Variants in DNAJC13 observed in about 807,000 individuals in gnomAD.
The protein encoded by DNAJC13 is DnaJ heat shock protein family (Hsp40) member C13.
In DNAJC13, 75 loss-of-function variants were observed where a neutral mutation model predicts 290.5. The observed-to-expected ratio is 0.26, with a 90% CI of 0.21 to 0.31. DNAJC13 has a LOEUF of 0.31. DNAJC13 is among the 10% of genes least tolerant of loss of function. The pLI, the probability that DNAJC13 is intolerant of heterozygous loss-of-function variation, is 1.00. For missense variants in DNAJC13, 2,260 were observed against 2,674.5 expected (o/e 0.85, Z 3.42); for synonymous variants, 862 against 892.0 (o/e 0.97, Z 0.60).
At chr3:132,528,964 C>T (rs965666088) in intron 54 of DNAJC13, among the ~76,000 whole-genome samples, 14 of 151,706 alleles carry the variant, frequency 9.2e-5, no homozygotes, top group Admixed American at 2.0e-4. Context: ...TTTTAATTGA[C>T]GTGAAATTTA....
intron 26 of DNAJC13, among the ~76,000 whole-genome samples, chr3:132,481,608 T>G (rs746652184): frequency 6.6e-6 from 1 of 152,144 alleles, no homozygotes. Flanking sequence ...AACATAACCA[T>G]GTTGTGATAA....
chr3:132,482,404 C>T (rs928700071), intron 27 of DNAJC13, 74 bp downstream of exon 27: 11 of 1,170,328 alleles, frequency 9.4e-6, no homozygotes, highest in East Asian at 2.5e-5. Context: ...CTTACAGAGG[C>T]GTGGAATGTT....
At chr3:132,533,732 G>A (rs958003429) in intron 55 of DNAJC13, among the ~76,000 whole-genome samples, 1 of 152,138 alleles carries the variant, frequency 6.6e-6, no homozygotes, top group Admixed American at 6.5e-5. Context: ...CTACAGGAAA[G>A]CCTCTTCTAA....
chr3:132,438,481 C>T (rs550697572), intron 2 of DNAJC13, among the ~76,000 whole-genome samples: 1 of 152,290 alleles, frequency 6.6e-6, no homozygotes, highest in African/African-American at 2.4e-5. Flanking sequence ...AACATGTCTA[C>T]GTACAACAAA....
At position 132,480,376 on chromosome 3, in the gene DNAJC13, T is replaced by G. The variant is rs1474979950; in HGVS notation, c.2780T>G (p.Val927Gly). ...AATGTTTTCCTCTTCCAGAAAAATG[T>G]TAAGGATCTCATGGATTCAAATGGA... ...LNKLILNKKNVKDLMDSNGIR... is the reference protein window; with the variant it reads ...LNKLILNKKNGKDLMDSNGIR... The change falls in exon 26 of 56, where the codon GTT becomes GGT. Residue 927 changes from valine to glycine, a missense_variant. Transcript: ENST00000260818. The G allele has an allele frequency of 1.9e-5, 30 of 1,611,616 alleles. No homozygotes were observed. Among genetic ancestry groups the G allele is most frequent in the Non-Finnish European group, 2.5e-5 (30 of 1,178,306 alleles).
At chr3:132,500,125 A>G (rs1054676842) in intron 38 of DNAJC13, among the ~76,000 whole-genome samples, 3 of 152,188 alleles carry the variant, frequency 2.0e-5, no homozygotes, top group African/African-American at 7.2e-5. Context: ...ACCCAGCTTA[A>G]TGCCATTCTT....
At chr3:132,523,359 C>A (rs111653693) in intron 50 of DNAJC13, among the ~76,000 whole-genome samples, 160 bp downstream of exon 50, 5 of 152,146 alleles carry the variant, frequency 3.3e-5, no homozygotes, top group Non-Finnish European at 7.3e-5. Context: ...GGAATACTTA[C>A]TTTCGAAGTT....
chr3:132,452,074 A>G (rs11926095), intron 6 of DNAJC13, among the ~76,000 whole-genome samples: 15,769 of 152,250 alleles, frequency 0.1, 1,020 homozygotes, highest in South Asian at 0.17. Context: ...GGAATGTTTA[A>G]CATCTTGTTG....
intron 1 of DNAJC13, 92 bp downstream of exon 1, chr3:132,417,852 G>C (rs527442236): frequency 6.5e-6 from 1 of 152,960 alleles, no homozygotes; most frequent in Non-Finnish European, 1.5e-5. Flanking sequence ...CAGGGAAAAC[G>C]GGGTGGTCTT....
chr3:132,430,621 C>T (rs1467980144), intron 1 of DNAJC13, among the ~76,000 whole-genome samples: 1 of 152,148 alleles, frequency 6.6e-6, no homozygotes, highest in African/African-American at 2.4e-5. Context: ...ATACAAACCC[C>T]ATTCTTCAGT....
chr3:132,486,670 T>A (rs926204017), intron 29 of DNAJC13, among the ~76,000 whole-genome samples: 1 of 152,210 alleles, frequency 6.6e-6, no homozygotes, highest in African/African-American at 2.4e-5. Context: ...CTGGGAGACC[T>A]GAATCATGCC....
chr3:132,457,238 G>GC (rs1933636334), intron 12 of DNAJC13, 31 bp from the exon 13 acceptor site: 1 of 1,486,186 alleles, frequency 6.7e-7, no homozygotes, highest in South Asian at 1.2e-5. Flanking sequence ...TTCTGGTATT[G>GC]CTAGTATATG....
intron 6 of DNAJC13, 55 bp downstream of exon 6, chr3:132,450,902 G>A: frequency 1.9e-6 from 2 of 1,069,014 alleles, no homozygotes; most frequent in Admixed American, 2.6e-5. Flanking sequence ...ACCATTTGAA[G>A]GAAAGCAAAG....
At chr3:132,439,103 C>G (rs1457039782) in intron 2 of DNAJC13, among the ~76,000 whole-genome samples, 1 of 152,060 alleles carries the variant, frequency 6.6e-6, no homozygotes, top group Non-Finnish European at 1.5e-5. Flanking sequence ...TGTGGATCAC[C>G]TTAATATTGC....
intron 15 of DNAJC13, 56 bp from the exon 16 acceptor site, chr3:132,462,411 G>A (rs1933827932): frequency 6.6e-7 from 1 of 1,523,424 alleles, no homozygotes; most frequent in Non-Finnish European, 9.0e-7. Flanking sequence ...ACAGCTAAAT[G>A]TGTTGGAATA....
In DNAJC13 at chr3:132,511,199, G is replaced by A; in HGVS notation, c.5248G>A (p.Glu1750Lys). The part of the protein sequence containing the change: ...EQHGDRLPRV[E>K]MALEALRNVI... Reference sequence around the variant, plus strand: ...ACATGGAGATCGCTTACCGAGAGTAGAAATGGCTTTGGAGGCTCTGAGAAA... The same window carrying A: ...ACATGGAGATCGCTTACCGAGAGTAAAAATGGCTTTGGAGGCTCTGAGAAA... The change falls in exon 44 of 56, where the codon GAA (glutamate) becomes AAA (lysine). Residue 1750 changes from glutamate to lysine, a missense_variant. Physicochemically the swap from Glu to Lys is moderately conservative, Grantham distance 56. Transcript: ENST00000260818. 6.2e-7 allele frequency: 1 copy of A among 1,613,874 alleles called. No homozygotes were observed.
Position 132,523,575 on chromosome 3 carries a change from A to G in DNAJC13, c.5922A>G (p.Ala1974=). 6.2e-7 allele frequency: 1 copy of G among 1,614,078 alleles called. No individual in the cohort carries two copies. Among genetic ancestry groups the G allele is most frequent in the Non-Finnish European group, 8.5e-7 (1 of 1,179,976 alleles). The change falls in exon 51 of 56, where the codon GCA becomes GCG. Residue 1974 remains alanine, a synonymous_variant. Coordinates refer to ENST00000260818, the MANE Select transcript of DNAJC13 (RefSeq NM_015268.4). Reference sequence around the variant, plus strand: ...ATTTTGCTGTGGTGTTTGGAGAAGCAGAGGGTGAACTTGCTGTTGGAGGAG... The same window carrying G: ...ATTTTGCTGTGGTGTTTGGAGAAGCGGAGGGTGAACTTGCTGTTGGAGGAG... ...PEDFAVVFGE[A]EGELAVGGVF... is the part of the protein sequence containing the mutation.
intron 41 of DNAJC13, among the ~76,000 whole-genome samples, chr3:132,504,935 G>A (rs1935537792): frequency 1.3e-5 from 2 of 152,172 alleles, no homozygotes; most frequent in South Asian, 2.1e-4. Context: ...AAGGTATTAT[G>A]TTGTGATTCT....
At chr3:132,420,140 A>C (rs1938912334) in intron 1 of DNAJC13, among the ~76,000 whole-genome samples, 1 of 152,364 alleles carries the variant, frequency 6.6e-6, no homozygotes, top group East Asian at 1.9e-4. Context: ...CTGGACAAAA[A>C]GCATGATGAA....
Sources: allele counts gnomAD v4.1 joint callset (sites outside exome capture counted in the v4.1 genomes callset), GRCh38; gene constraint gnomAD v4.1.1; transcripts MANE v1.5; gene names NCBI Gene and HGNC (gene_info 2026-07-23, HGNC 2026-07-21).